CSMD1: variants seen among roughly 807,000 people sequenced by gnomAD.
The protein encoded by CSMD1 is CUB and Sushi multiple domains 1, also known as CUB and sushi domain-containing protein 1.
CSMD1 carries 213 observed loss-of-function variants against 417.5 expected under a neutral mutation model. The observed-to-expected ratio is 0.51, with a 90% confidence interval of 0.46 to 0.57. CSMD1 has a LOEUF of 0.57. Ranked by LOEUF, CSMD1 falls within the 20% of genes least tolerant of loss-of-function variation. CSMD1 has a pLI of 0.00. For synonymous variants in CSMD1, 2,862 were observed against 1,736.8 expected (o/e 1.65, Z -16.11); for missense variants, 6,923 against 4,529.7 (o/e 1.53, Z -15.17).
intron 8 of CSMD1, among the ~76,000 whole-genome samples, chr8:3,592,332 T>C (rs938529693): frequency 1.3e-5 from 2 of 152,110 alleles, no homozygotes; most frequent in Admixed American, 6.5e-5. Context: ...AAAAGGAATA[T>C]ATATATATTA....
At chr8:4,730,198 G>T (rs1350511890) in intron 1 of CSMD1, among the ~76,000 whole-genome samples, 1 of 151,634 alleles carries the variant, frequency 6.6e-6, no homozygotes, top group Non-Finnish European at 1.5e-5. Flanking sequence ...TGGAAAAGAG[G>T]GAGACAGAAG....
rs192084409 is a variant in CSMD1, at chr8:3,254,235, G to A, written c.4154-24004C>T. Among the ~76,000 whole-genome samples the A allele has an allele frequency of 6.1e-3, 922 of 152,290 alleles. 8 individuals are homozygous for A. The highest frequency in any genetic ancestry group is 0.02 in the African/African-American group (839 of 41,550). On this transcript the variant is annotated intron_variant, in intron 26 of 69. Transcript: ENST00000635120. ...TCTTCTGGCTTGTAGAGTTTCTGTC[G>A]AGAGATCAGCTGTTAGTCTGATGGG...
intron 3 of CSMD1, among the ~76,000 whole-genome samples, chr8:4,184,300 G>T (rs1221468548): frequency 6.6e-6 from 1 of 152,090 alleles, no homozygotes; most frequent in Non-Finnish European, 1.5e-5. Context: ...AGGAATTAAT[G>T]GCTGAGGCTA....
intron 4 of CSMD1, among the ~76,000 whole-genome samples, chr8:4,009,985 G>A (rs1200520993): frequency 6.6e-6 from 1 of 152,170 alleles, no homozygotes; most frequent in East Asian, 1.9e-4. Flanking sequence ...CTTATTTTCT[G>A]ACCCCCTAAT....
At position 3,241,466 on chromosome 8, in the gene CSMD1, G is replaced by A. The variant is rs186544076; in HGVS notation, c.4154-11235C>T. Among the ~76,000 whole-genome samples, 312 of 152,264 alleles carry A rather than the reference G, an allele frequency of 2.0e-3. 1 individual carries two copies. Among genetic ancestry groups the A allele is most frequent in the Middle Eastern group, 0.014 (4 of 292 alleles). ...GTCTACAGGGCTTCCGAGGTGATCTGGCAGTGTCAGTCTTCAGCCACTAAG... is the reference window on the plus strand; with the variant it reads ...GTCTACAGGGCTTCCGAGGTGATCTAGCAGTGTCAGTCTTCAGCCACTAAG... On this transcript the variant is annotated intron_variant, in intron 26 of 69. Transcript: ENST00000635120.
chr8:3,169,466 T>C (rs890814100), intron 37 of CSMD1, among the ~76,000 whole-genome samples: 3 of 151,796 alleles, frequency 2.0e-5, no homozygotes, highest in African/African-American at 7.3e-5. Context: ...CTATCTCTAG[T>C]AGTCGAAATC....
chr8:3,319,743 G>C (rs563821358), intron 23 of CSMD1, among the ~76,000 whole-genome samples: 2 of 152,134 alleles, frequency 1.3e-5, no homozygotes, highest in Admixed American at 1.3e-4. Context: ...AGTGTCAGAA[G>C]AACATTAGGA....
Position 4,808,954 on chromosome 8 carries a change from A to G in CSMD1, c.86-171396T>C, listed in dbSNP as rs569304368. 1.2e-4 allele frequency among the ~76,000 whole-genome samples: 19 copies of G among 152,360 alleles called. No homozygotes were observed. In the South Asian group the frequency reaches 3.3e-3, roughly 27 times the overall value. On this transcript the variant is annotated intron_variant, in intron 1 of 69. Transcript: ENST00000635120. ...GAGATAGAAATCATTCTTCAAGAAC[A>G]TAAGAGATCCAGAAAATCTTGTTTA... is the stretch of plus-strand genomic sequence containing the variant.
chr8:4,842,573 G>C (rs1440694185), intron 1 of CSMD1, among the ~76,000 whole-genome samples: 3 of 152,192 alleles, frequency 2.0e-5, no homozygotes. Flanking sequence ...GCCATATTGA[G>C]CATAGGGCAC....
chr8:3,963,834 T>C (rs1388718174), intron 5 of CSMD1, among the ~76,000 whole-genome samples: 1 of 152,172 alleles, frequency 6.6e-6, no homozygotes, highest in Non-Finnish European at 1.5e-5. Flanking sequence ...CAAATGTAAA[T>C]ATAATCTTAA....
At chr8:3,156,337 C>A (rs964910283) in intron 39 of CSMD1, among the ~76,000 whole-genome samples, 1 of 152,170 alleles carries the variant, frequency 6.6e-6, no homozygotes, top group Non-Finnish European at 1.5e-5. Flanking sequence ...TATAATGATC[C>A]AGGCTCTCTG....
chr8:4,452,512 T>C (rs1799206529), intron 2 of CSMD1, among the ~76,000 whole-genome samples: 1 of 152,204 alleles, frequency 6.6e-6, no homozygotes, highest in Non-Finnish European at 1.5e-5. Context: ...GCTTTAATTT[T>C]AGTTCATTAA....
At chr8:4,378,926 G>A (rs150566856) in intron 3 of CSMD1, among the ~76,000 whole-genome samples, 5 of 152,228 alleles carry the variant, frequency 3.3e-5, no homozygotes, top group African/African-American at 9.6e-5. Flanking sequence ...CCAGCCCCTG[G>A]AATTGTGATA....
intron 32 of CSMD1, among the ~76,000 whole-genome samples, chr8:3,201,268 G>C (rs999718029): frequency 6.6e-6 from 1 of 152,098 alleles, no homozygotes; most frequent in Admixed American, 6.5e-5. Flanking sequence ...AATGTTAATC[G>C]TTTTTATCTC....
intron 3 of CSMD1, among the ~76,000 whole-genome samples, chr8:4,055,830 C>T (rs1224276977): frequency 6.6e-6 from 1 of 152,058 alleles, no homozygotes; most frequent in Non-Finnish European, 1.5e-5. Flanking sequence ...GTTGATTTTA[C>T]AGTTGATTTT....
chr8:3,906,089 C>T (rs1221906495), intron 5 of CSMD1, among the ~76,000 whole-genome samples: 2 of 152,138 alleles, frequency 1.3e-5, no homozygotes, highest in Non-Finnish European at 1.5e-5. Context: ...CTCTTTCCTT[C>T]CCATGATGCT....
At chr8:3,547,427 T>C (rs1039220247) in intron 10 of CSMD1, among the ~76,000 whole-genome samples, 1 of 152,234 alleles carries the variant, frequency 6.6e-6, no homozygotes, top group African/African-American at 2.4e-5. Flanking sequence ...CTACTTCTTG[T>C]ACATATACAG....
At chr8:3,506,472 G>T (rs1042529411) in intron 10 of CSMD1, among the ~76,000 whole-genome samples, 1 of 152,146 alleles carries the variant, frequency 6.6e-6, no homozygotes, top group African/African-American at 2.4e-5. Context: ...GGCCAGAAAG[G>T]GGGAATAAGT....
At chr8:3,988,959 G>T (rs538275797) in intron 5 of CSMD1, among the ~76,000 whole-genome samples, 1 of 152,134 alleles carries the variant, frequency 6.6e-6, no homozygotes, top group Non-Finnish European at 1.5e-5. Flanking sequence ...AAAATTTGAA[G>T]GTTATTTGCT....
Sources: gnomAD v4.1 joint callset for allele counts (sites outside exome capture counted in the v4.1 genomes callset) on GRCh38, gnomAD v4.1.1 for gene constraint, MANE v1.5 for transcripts, NCBI Gene and HGNC (gene_info 2026-07-23, HGNC 2026-07-21) for gene names.